Variants in LRRC37A observed in about 807,000 individuals in gnomAD.
LRRC37A encodes the protein leucine-rich repeat-containing protein 37A.
Under a neutral mutation model 35.4 loss-of-function variants are expected in LRRC37A, and 3 were observed. That is an observed-to-expected ratio of 0.08 (90% CI 0.04 to 0.22). LRRC37A has a LOEUF of 0.22. LRRC37A is among the 10% of genes least tolerant of loss of function. The pLI is 1.00. For synonymous variants in LRRC37A, 23 were observed against 215.0 expected (o/e 0.11, Z 7.81); for missense variants, 67 against 565.3 (o/e 0.12, Z 8.94).
the LRRC37A span, among the ~76,000 whole-genome samples, chr17:46,253,784 G>C: frequency 6.6e-6 from 1 of 150,890 alleles, no homozygotes; most frequent in Admixed American, 6.6e-5. Flanking sequence ...AGGGGAGGGG[G>C]AGAGGGAGAG....
chr17:46,317,224 T>TTAC (rs2051205735), intron 5 of LRRC37A, among the ~76,000 whole-genome samples: 1 of 81,518 alleles, frequency 1.2e-5, no homozygotes, highest in Admixed American at 1.3e-4. Flanking sequence ...AGACAGGGTT[T>TTAC]TACTCTATTG....
chr17:46,288,706 C>CTTTTTTTTTTTTTTT (rs199591277), upstream of LRRC37A, among the ~76,000 whole-genome samples: 1 of 139,054 alleles, frequency 7.2e-6, no homozygotes, highest in Non-Finnish European at 1.6e-5. Flanking sequence ...CTTGTTTTTT[C>CTTTTTTTTTTTTTTT]TTTTTTTTTT....
chr17:46,273,759 T>A, the LRRC37A span, among the ~76,000 whole-genome samples: 1 of 152,252 alleles, frequency 6.6e-6, no homozygotes, highest in South Asian at 2.1e-4. Context: ...TTCCTCATTT[T>A]CTTCCTACTG....
At chr17:46,271,332 ATT>A in the LRRC37A span, among the ~76,000 whole-genome samples, 5,547 of 125,270 alleles carry the variant, frequency 0.044, 3 homozygotes, top group Middle Eastern at 0.12. Context: ...TACCTAGCTA[ATT>A]TTTTTTTTTT....
chr17:46,291,245 A>C (rs2050058195), upstream of LRRC37A, among the ~76,000 whole-genome samples: 4 of 152,268 alleles, frequency 2.6e-5, no homozygotes, highest in East Asian at 7.7e-4. Flanking sequence ...GCGGGTGCAC[A>C]CTTTGATCCT....
chr17:46,261,560 C>CA, the LRRC37A span, among the ~76,000 whole-genome samples: 239 of 140,254 alleles, frequency 1.7e-3, no homozygotes, highest in African/African-American at 5.5e-3. Context: ...TACAGGCACG[C>CA]ACCACCACAC....
At chr17:46,275,311 G>A in the LRRC37A span, 1 of 752,814 alleles carries the variant, frequency 1.3e-6, no homozygotes, top group Middle Eastern at 4.5e-4. Context: ...AAAAGATCTG[G>A]CTCCTTAATT....
chr17:46,249,648 G>A, the LRRC37A span, among the ~76,000 whole-genome samples: 1 of 152,278 alleles, frequency 6.6e-6, no homozygotes, highest in Non-Finnish European at 1.5e-5. Context: ...AGATACAGGG[G>A]AGGGGGCGCC....
the LRRC37A span, among the ~76,000 whole-genome samples, chr17:46,269,473 G>A: frequency 3.3e-5 from 5 of 152,356 alleles, no homozygotes; most frequent in South Asian, 1.0e-3. Flanking sequence ...CAGAGGTTGT[G>A]GTGAGCCGAG....
chr17:46,260,756 T>C, the LRRC37A span: 13 of 707,066 alleles, frequency 1.8e-5, no homozygotes, highest in East Asian at 3.6e-4. Context: ...CCCAAGTAGC[T>C]GGGATTACAG....
At chr17:46,277,653 C>CTTTCTTTCTTTCTTT in the LRRC37A span, among the ~76,000 whole-genome samples, 2 of 137,858 alleles carry the variant, frequency 1.5e-5, no homozygotes, top group Admixed American at 7.3e-5. Context: ...TTCTTTCTTT[C>CTTTCTTTCTTTCTTT]TTTTTTTTTT....
intron 5 of LRRC37A, among the ~76,000 whole-genome samples, chr17:46,321,357 GAAAAAAAA>G (rs763727306): frequency 1.3e-4 from 4 of 31,356 alleles, no homozygotes; most frequent in African/African-American, 3.1e-4. Flanking sequence ...CTCCGTCTCA[GAAAAAAAA>G]AAAAAAAAAA....
the LRRC37A span, among the ~76,000 whole-genome samples, chr17:46,274,294 T>C: frequency 6.6e-6 from 1 of 152,268 alleles, no homozygotes; most frequent in Admixed American, 6.5e-5. Flanking sequence ...ACAAAGAAGA[T>C]ACCTTCAAAT....
the LRRC37A span, among the ~76,000 whole-genome samples, chr17:46,262,798 A>G: frequency 6.8e-6 from 1 of 146,992 alleles, no homozygotes; most frequent in Non-Finnish European, 1.6e-5. Flanking sequence ...AAAAAAAAAA[A>G]AAAGAAAAGA....
At chr17:46,250,259 C>A in the LRRC37A span, among the ~76,000 whole-genome samples, 1 of 152,310 alleles carries the variant, frequency 6.6e-6, no homozygotes, top group Non-Finnish European at 1.5e-5. Context: ...CGTCCTCGGG[C>A]CACTGGCTCC....
At chr17:46,286,670 G>A in the LRRC37A span, among the ~76,000 whole-genome samples, 1 of 152,206 alleles carries the variant, frequency 6.6e-6, no homozygotes, top group African/African-American at 2.4e-5. Context: ...AAATGAAAAG[G>A]AATTTGTAAT....
intron 7 of LRRC37A, among the ~76,000 whole-genome samples, chr17:46,325,510 A>G (rs193157050): frequency 1.2e-5 from 1 of 81,694 alleles, no homozygotes; most frequent in East Asian, 2.4e-4. Flanking sequence ...TATACTTTAA[A>G]ACAATCCTGG....
the LRRC37A span, among the ~76,000 whole-genome samples, chr17:46,263,870 A>AG: frequency 2.3e-4 from 35 of 151,348 alleles, no homozygotes; most frequent in African/African-American, 7.8e-4. Context: ...AAAAAAAAAA[A>AG]AAAAGAGAGA....
chr17:46,306,145 A>G lies in LRRC37A; in HGVS notation c.2826-84A>G, dbSNP rs2050554699. 2 of 214,678 alleles carry G rather than the reference A, an allele frequency of 9.3e-6. 1 individual carries two copies. Among genetic ancestry groups the G allele is most frequent in the Admixed American group, 1.3e-4 (2 of 15,078 alleles). The allele number at this position is 214,678 out of a possible 1,614,324, so 13.3% of individuals were successfully genotyped here. A position where few individuals can be genotyped will look rare whatever the true frequency, so the allele number is the denominator to read the frequency against. On this transcript the variant is annotated intron_variant, in intron 4 of 13. Transcript: ENST00000320254. The stretch of plus-strand genomic sequence containing the variant: ...AGAGAAAGGATTGAGGTTATGTTCC[A>G]TCCTATATAAATTAGAATCATGGCA...
Sources: gnomAD v4.1 joint callset for allele counts (sites outside exome capture counted in the v4.1 genomes callset) on GRCh38, gnomAD v4.1.1 for gene constraint, MANE v1.5 for transcripts, NCBI Gene and HGNC (gene_info 2026-07-23, HGNC 2026-07-21) for gene names.